Variants in PTPRD observed in about 807,000 individuals in gnomAD.
The protein encoded by PTPRD is receptor-type tyrosine-protein phosphatase delta.
A neutral mutation model predicts 214.5 loss-of-function variants in PTPRD; 34 were observed. That is an observed-to-expected ratio of 0.16 (90% CI 0.12 to 0.21). PTPRD has a LOEUF of 0.21. PTPRD is among the 10% of genes least tolerant of loss of function. The probability of loss-of-function intolerance (pLI) is 1.00; values close to 1 mark genes in which losing one functional copy is unlikely to be tolerated. For synonymous variants in PTPRD, 1,128 were observed against 845.7 expected (o/e 1.33, Z -5.79); for missense variants, 2,545 against 2,398.7 (o/e 1.06, Z -1.27).
At chr9:8,451,353 CA>C (rs2095941670) in intron 33 of PTPRD, among the ~76,000 whole-genome samples, 2 of 152,142 alleles carry the variant, frequency 1.3e-5, no homozygotes, top group South Asian at 2.1e-4. Context: ...CAACCCATTC[CA>C]CCAATCAGAG....
chr9:9,828,470 G>A (rs1233526529), intron 5 of PTPRD, among the ~76,000 whole-genome samples: 1 of 152,098 alleles, frequency 6.6e-6, no homozygotes, highest in African/African-American at 2.4e-5. Flanking sequence ...ATGGACACAG[G>A]AAGGGGAACA....
intron 7 of PTPRD, among the ~76,000 whole-genome samples, chr9:9,641,689 A>C (rs1247335943): frequency 2.0e-5 from 3 of 152,188 alleles, no homozygotes; most frequent in African/African-American, 7.2e-5. Context: ...AAAAATAACA[A>C]AGGAATTTTT....
intron 10 of PTPRD, among the ~76,000 whole-genome samples, chr9:9,024,356 T>TG (rs1554639644): frequency 2.0e-5 from 3 of 147,162 alleles, no homozygotes; most frequent in South Asian, 2.1e-4. Context: ...TTGTTTGTTT[T>TG]TTTTTTTTTC....
intron 9 of PTPRD, among the ~76,000 whole-genome samples, chr9:9,310,627 C>A (rs1958649768): frequency 6.6e-6 from 1 of 152,052 alleles, no homozygotes; most frequent in African/African-American, 2.4e-5. Flanking sequence ...CAGATAATCT[C>A]ACATTCTGGG....
At chr9:8,868,804 T>C (rs1236941096) in intron 11 of PTPRD, among the ~76,000 whole-genome samples, 1 of 152,184 alleles carries the variant, frequency 6.6e-6, no homozygotes, top group Non-Finnish European at 1.5e-5. Flanking sequence ...TTAGTTTTCA[T>C]GTATGCCCAT....
At chr9:10,217,243 G>C (rs1347088378) in intron 3 of PTPRD, among the ~76,000 whole-genome samples, 1 of 151,652 alleles carries the variant, frequency 6.6e-6, no homozygotes, top group African/African-American at 2.4e-5. Flanking sequence ...GGCACATCTA[G>C]TATCAGCATT....
At chr9:8,979,530 A>T (rs1300569966) in intron 11 of PTPRD, among the ~76,000 whole-genome samples, 1 of 152,148 alleles carries the variant, frequency 6.6e-6, no homozygotes, top group African/African-American at 2.4e-5. Flanking sequence ...GAACTCTTAC[A>T]ATGCAATAGA....
At chr9:8,941,985 T>C (rs367722630) in intron 11 of PTPRD, among the ~76,000 whole-genome samples, 198 of 152,270 alleles carry the variant, frequency 1.3e-3, no homozygotes, top group African/African-American at 4.6e-3. Flanking sequence ...TTTGTATTTT[T>C]ACTAGAGATG....
intron 20 of PTPRD, 131 bp downstream of exon 20, chr9:8,521,146 A>G (rs2097883782): frequency 9.2e-7 from 1 of 1,091,516 alleles, no homozygotes; most frequent in Non-Finnish European, 1.3e-6. Context: ...CACAGATATG[A>G]TTAGGTTATA....
chr9:8,440,283 CAGTT>C (rs1370413453), intron 34 of PTPRD, among the ~76,000 whole-genome samples: 1 of 151,440 alleles, frequency 6.6e-6, no homozygotes, highest in Non-Finnish European at 1.5e-5. Flanking sequence ...ATGACCTCAT[CAGTT>C]AGAAGCTACA....
At chr9:10,019,150 T>C (rs985329408) in intron 4 of PTPRD, among the ~76,000 whole-genome samples, 8 of 152,270 alleles carry the variant, frequency 5.3e-5, no homozygotes, top group African/African-American at 1.9e-4. Flanking sequence ...AGAAGACATT[T>C]ATTCAGCCAA....
intron 8 of PTPRD, among the ~76,000 whole-genome samples, chr9:9,550,684 C>T (rs1165327011): frequency 6.6e-6 from 1 of 151,464 alleles, no homozygotes; most frequent in East Asian, 1.9e-4. Context: ...AGATAAGTTA[C>T]TTCCTGGGAT....
At chr9:10,424,266 T>C (rs777701399) in intron 2 of PTPRD, among the ~76,000 whole-genome samples, 2 of 151,928 alleles carry the variant, frequency 1.3e-5, no homozygotes, top group South Asian at 4.2e-4. Flanking sequence ...AAAAAGAACA[T>C]CTAAATCAAA....
chr9:8,599,905 A>AC (rs2094730628), intron 14 of PTPRD, among the ~76,000 whole-genome samples: 1 of 152,164 alleles, frequency 6.6e-6, no homozygotes, highest in African/African-American at 2.4e-5. Context: ...GGCATGAGCC[A>AC]CGGCGCCTGG....
At chr9:9,653,642 G>C (rs1270489917) in intron 7 of PTPRD, among the ~76,000 whole-genome samples, 3 of 152,020 alleles carry the variant, frequency 2.0e-5, no homozygotes, top group Non-Finnish European at 4.4e-5. Context: ...GTATTATAAT[G>C]TGGTTGAAGA....
chr9:9,440,599 T>C (rs2087222608), intron 8 of PTPRD, among the ~76,000 whole-genome samples: 1 of 152,204 alleles, frequency 6.6e-6, no homozygotes, highest in African/African-American at 2.4e-5. Flanking sequence ...CTCCAAGGAA[T>C]GATACTGGAT....
chr9:9,389,262 C>A (rs909373381), intron 9 of PTPRD, among the ~76,000 whole-genome samples: 6 of 152,140 alleles, frequency 3.9e-5, no homozygotes, highest in African/African-American at 1.4e-4. Flanking sequence ...TGTAATTCCA[C>A]CACCTTGGGA....
chr9:10,248,802 A>G (rs1189376072), intron 3 of PTPRD, among the ~76,000 whole-genome samples: 1 of 152,198 alleles, frequency 6.6e-6, no homozygotes, highest in East Asian at 1.9e-4. Flanking sequence ...ATCTTGTGTC[A>G]TCCACTGGGA....
At chr9:10,142,781 A>G (rs1460318032) in intron 3 of PTPRD, among the ~76,000 whole-genome samples, 3 of 148,274 alleles carry the variant, frequency 2.0e-5, no homozygotes, top group Non-Finnish European at 4.5e-5. Context: ...CTGGGTATAT[A>G]CCCAAAGGAC....
Sources: allele counts gnomAD v4.1 joint callset (sites outside exome capture counted in the v4.1 genomes callset), GRCh38; gene constraint gnomAD v4.1.1; transcripts MANE v1.5; gene names NCBI Gene and HGNC (gene_info 2026-07-23, HGNC 2026-07-21).